POC5: variants seen among roughly 807,000 people sequenced by gnomAD.
POC5 encodes POC5 centriolar protein, also known as centrosomal protein POC5.
In POC5, 48 loss-of-function variants were observed where a neutral mutation model predicts 62.9. That is an observed-to-expected ratio of 0.76 (90% CI 0.61 to 0.97). The LOEUF (loss-of-function observed/expected upper bound fraction) is 0.97, where lower values mean the gene tolerates loss of function less well. POC5 is among the 50% of genes least tolerant of loss of function. The pLI, the probability that POC5 is intolerant of heterozygous loss-of-function variation, is 0.00. For synonymous variants in POC5, 236 were observed against 228.2 expected (o/e 1.03, Z -0.31); for missense variants, 696 against 679.5 (o/e 1.02, Z -0.27).
At chr5:75,712,784 C>T (rs936866475) in intron 2 of POC5, 70 bp downstream of exon 2, 9 of 1,160,066 alleles carry the variant, frequency 7.8e-6, no homozygotes, top group Non-Finnish European at 1.1e-5. Context: ...ATTAAAAAAT[C>T]CTAGTTTTCC....
intron 5 of POC5, among the ~76,000 whole-genome samples, 183 bp downstream of exon 5, chr5:75,702,422 G>C (rs1776925873): frequency 6.6e-6 from 1 of 152,140 alleles, no homozygotes; most frequent in African/African-American, 2.4e-5. Flanking sequence ...TAGTTTAACA[G>C]GCTCCCGCTA....
rs1580056380 is a variant in POC5 at position 75,706,169 on chromosome 5, G to A, written c.224-382C>T. Among the ~76,000 whole-genome samples the A allele has an allele frequency of 2.0e-5, 3 of 152,316 alleles. No homozygotes were observed. The East Asian group carries it at 5.8e-4, about 29-fold the overall frequency. On this transcript the variant is annotated intron_variant, in intron 3 of 11. Transcript: ENST00000428202. ...CACTAGCCACAATCAAACTCAAGTG[G>A]CACTGGCTCCCCCAAAACATTTGCT... is the stretch of plus-strand genomic sequence containing the variant.
intron 10 of POC5, among the ~76,000 whole-genome samples, chr5:75,678,273 T>C (rs1775749372): frequency 6.6e-6 from 1 of 152,148 alleles, no homozygotes; most frequent in African/African-American, 2.4e-5. Context: ...CCCAGTTTCC[T>C]GCCATGGTTA....
chr5:75,681,389 G>A (rs1412892310), intron 10 of POC5, among the ~76,000 whole-genome samples: 1 of 152,074 alleles, frequency 6.6e-6, no homozygotes, highest in African/African-American at 2.4e-5. Flanking sequence ...TTAAAATTCA[G>A]TGAAAAATAT....
Position 75,694,712 on chromosome 5 carries a change from G to C in POC5, c.633C>G (p.Ile211Met). 2 of 1,595,456 alleles carry C rather than the reference G, an allele frequency of 1.3e-6. No individual in the cohort carries two copies. Among genetic ancestry groups the C allele is most frequent in the Non-Finnish European group, 1.7e-6 (2 of 1,172,068 alleles). ...TTTTTTGCAGCTCCTTCAATTCATTGATCTGATTACACAGTTGTTTTAAAT... is the reference window on the plus strand; with the variant it reads ...TTTTTTGCAGCTCCTTCAATTCATTCATCTGATTACACAGTTGTTTTAAAT... ...AAHLKQLCNQ[I>M]NELKELQKTF... The change falls in exon 6 of 12, where the codon ATC becomes ATG. Residue 211 changes from isoleucine (I) to methionine (M), a missense_variant. By Grantham distance (10) the Ile-to-Met change is conservative (BLOSUM62 1). Transcript: ENST00000428202.
At chr5:75,690,597 GTTGA>G in intron 7 of POC5, 35 bp from the exon 8 acceptor site, 1 of 1,457,996 alleles carries the variant, frequency 6.9e-7, no homozygotes, top group Non-Finnish European at 9.3e-7. Context: ...CAAAAACACA[GTTGA>G]TTGATAAATA....
intron 10 of POC5, among the ~76,000 whole-genome samples, chr5:75,682,955 G>GTTTA (rs1220035245): frequency 1.3e-5 from 2 of 152,156 alleles, no homozygotes; most frequent in African/African-American, 4.8e-5. Context: ...GCTCTCGAAA[G>GTTTA]GTAAAAATTC....
chr5:75,689,175 G>A lies in POC5; in HGVS notation c.976-10C>T, dbSNP rs1488760034. The A allele has an allele frequency of 4.0e-6, 6 of 1,515,752 alleles. No individual in the cohort carries two copies. Among genetic ancestry groups the A allele is most frequent in the Admixed American group, 4.4e-5 (2 of 44,944 alleles). 93.9% of individuals were successfully genotyped at this position (1,515,752 alleles called of 1,614,324 possible). A position where few individuals can be genotyped will look rare whatever the true frequency, so the allele number is the denominator to read the frequency against. On this transcript the variant is annotated splice_polypyrimidine_tract_variant and intron_variant, in intron 8 of 11. Coordinates refer to ENST00000428202, the MANE Select transcript of POC5 (RefSeq NM_001099271.2). ...CCAAAGCTCCAGATAACTAAAATAA[G>A]AATGTTTAAAAAGCAAAACAATTTG...
chr5:75,683,012 T>A, intron 10 of POC5, among the ~76,000 whole-genome samples: 1 of 152,214 alleles, frequency 6.6e-6, no homozygotes, highest in East Asian at 1.9e-4. Context: ...TCTCAATACC[T>A]CCTTTAGCTA....
Position 75,707,794 on chromosome 5 carries a change from C to T in POC5, c.166G>A (p.Gly56Arg). ...PCASQSSHPKGELVPDVRIST... is the reference protein window; with the variant it reads ...PCASQSSHPKRELVPDVRIST... The stretch of plus-strand genomic sequence containing the variant: ...ATTCTGACATCTGGCACCAATTCTC[C>T]CTTAGGATGAGATGACTGTGAAGCA... Residue 56 changes from glycine to arginine, a missense_variant, in exon 3 of 12, where the codon GGA becomes AGA. Transcript: ENST00000428202. 6.3e-7 allele frequency: 1 copy of T among 1,578,222 alleles called. No homozygotes were observed. Among genetic ancestry groups the T allele is most frequent in the Non-Finnish European group, 8.6e-7 (1 of 1,158,472 alleles).
chr5:75,703,877 T>G (rs1777008667), intron 4 of POC5, among the ~76,000 whole-genome samples: 2 of 151,056 alleles, frequency 1.3e-5, no homozygotes, highest in South Asian at 4.2e-4. Flanking sequence ...ACTGAAAGGC[T>G]GGGCACGGTG....
chr5:75,702,048 T>G (rs1048307302), intron 5 of POC5, among the ~76,000 whole-genome samples: 1 of 152,040 alleles, frequency 6.6e-6, no homozygotes, highest in African/African-American at 2.4e-5. Flanking sequence ...AGCAACCACT[T>G]AAAACCTGGC....
intron 5 of POC5, 81 bp downstream of exon 5, chr5:75,702,524 A>T (rs1180658313): frequency 7.3e-7 from 1 of 1,371,946 alleles, no homozygotes; most frequent in Middle Eastern, 1.8e-4. Context: ...TTTAACTCAA[A>T]AAAACAAAAC....
Position 75,702,706 on chromosome 5 carries a change from G to A in POC5, c.412C>T (p.His138Tyr). ...ACAAGTATTTCATGGGCATCTGTAT[G>A]ACTAGAATTTGTTGCTGGTGAGGAA... ...DSSSPATNSS[H>Y]TDAHEILVSD... The change falls in exon 5 of 12, where the codon CAT becomes TAT. Residue 138 changes from histidine (H) to tyrosine (Y), a missense_variant. By Grantham distance (83) the His-to-Tyr change is moderately conservative. Coordinates refer to ENST00000428202, the MANE Select transcript of POC5 (RefSeq NM_001099271.2). The A allele has an allele frequency of 6.2e-7, 1 of 1,610,236 alleles. No homozygotes were observed. Among genetic ancestry groups the A allele is most frequent in the Non-Finnish European group, 8.5e-7 (1 of 1,178,070 alleles).
intron 4 of POC5, among the ~76,000 whole-genome samples, chr5:75,703,770 T>G (rs916191960): frequency 1.1e-4 from 17 of 152,174 alleles, no homozygotes; most frequent in African/African-American, 4.1e-4. Context: ...TCTATATGTA[T>G]GTGCATATAT....
At chr5:75,699,456 A>C (rs925844978) in intron 5 of POC5, among the ~76,000 whole-genome samples, 1 of 151,576 alleles carries the variant, frequency 6.6e-6, no homozygotes, top group Non-Finnish European at 1.5e-5. Context: ...AACAGAACCA[A>C]AGACAAAAAC....
intron 5 of POC5, among the ~76,000 whole-genome samples, chr5:75,699,443 A>G (rs146534767): frequency 0.036 from 5,443 of 151,912 alleles, 157 homozygotes; most frequent in Middle Eastern, 0.061. Flanking sequence ...AATCCAGCAT[A>G]TAAACAGAAC....
At position 75,693,103 on chromosome 5, in the gene POC5, T is replaced by C. The variant is rs142972112; in HGVS notation, c.691-603A>G. Among the ~76,000 whole-genome samples the C allele has an allele frequency of 8.3e-4, 118 of 141,336 alleles. 1 individual carries two copies. The East Asian group carries it at 0.022, about 27-fold the overall frequency. 92.7% of individuals were successfully genotyped at this position (141,336 alleles called of 152,430 possible). On this transcript the variant is annotated intron_variant, in intron 6 of 11. Coordinates refer to ENST00000428202, the MANE Select transcript of POC5 (RefSeq NM_001099271.2). ...CTATTAATAACATATATAACATATG[T>C]CATACATAAAATGTTATATATATAA...
intron 2 of POC5, among the ~76,000 whole-genome samples, chr5:75,710,139 A>T (rs1447644224): frequency 2.0e-5 from 3 of 152,208 alleles, no homozygotes; most frequent in Non-Finnish European, 2.9e-5. Flanking sequence ...CAGCAAAAAG[A>T]GAGAAGGGAT....
Sources: gnomAD v4.1 joint callset for allele counts (sites outside exome capture counted in the v4.1 genomes callset) on GRCh38, gnomAD v4.1.1 for gene constraint, MANE v1.5 for transcripts, NCBI Gene and HGNC (gene_info 2026-07-23, HGNC 2026-07-21) for gene names.